Variants in XIRP2 observed in about 807,000 individuals in gnomAD.
The protein encoded by XIRP2 is xin actin binding repeat containing 2, also known as xin actin-binding repeat-containing protein 2.
XIRP2 carries 236 observed loss-of-function variants against 277.0 expected under a neutral mutation model. That is an observed-to-expected ratio of 0.85 (90% confidence interval 0.77 to 0.95). The LOEUF (loss-of-function observed/expected upper bound fraction) is 0.95, where lower values mean the gene tolerates loss of function less well. Ranked by LOEUF, XIRP2 falls within the 40% of genes least tolerant of loss-of-function variation. The probability of loss-of-function intolerance (pLI) is 0.00; values close to 1 mark genes in which losing one functional copy is unlikely to be tolerated. For missense variants in XIRP2, 4,640 were observed against 4,157.5 expected (o/e 1.12, Z -3.19); for synonymous variants, 1,490 against 1,416.5 (o/e 1.05, Z -1.17).
intron 9 of XIRP2, among the ~76,000 whole-genome samples, chr2:167,253,174 C>T (rs909002071): frequency 2.6e-5 from 4 of 151,766 alleles, no homozygotes; most frequent in South Asian, 2.1e-4. Flanking sequence ...CTCACAGGAT[C>T]GCTGTGAGGA....
At chr2:166,926,812 T>C (rs1206356843) in intron 2 of XIRP2, among the ~76,000 whole-genome samples, 1 of 152,094 alleles carries the variant, frequency 6.6e-6, no homozygotes, top group Non-Finnish European at 1.5e-5. Context: ...TTTTCATGCT[T>C]AGAACACAGC....
intron 2 of XIRP2, among the ~76,000 whole-genome samples, chr2:166,938,383 G>C (rs1010306671): frequency 6.6e-6 from 1 of 152,178 alleles, no homozygotes; most frequent in African/African-American, 2.4e-5. Flanking sequence ...AGGTTGTTCA[G>C]TTTCCATGTA....
intron 3 of XIRP2, among the ~76,000 whole-genome samples, chr2:167,209,900 TG>T (rs1693972443): frequency 1.3e-5 from 2 of 152,262 alleles, no homozygotes; most frequent in Non-Finnish European, 1.5e-5. Flanking sequence ...TTGATTAGAT[TG>T]GGTTAGGTTC....
intron 2 of XIRP2, among the ~76,000 whole-genome samples, chr2:166,944,124 T>G (rs558762816): frequency 9.8e-5 from 15 of 152,316 alleles, no homozygotes; most frequent in African/African-American, 3.6e-4. Context: ...CTAAGCCAGA[T>G]GTTTGTCTTT....
intron 5 of XIRP2, among the ~76,000 whole-genome samples, chr2:167,221,874 A>G (rs1694444441): frequency 6.6e-6 from 1 of 152,202 alleles, no homozygotes; most frequent in African/African-American, 2.4e-5. Flanking sequence ...TAGAGTTAAA[A>G]GAAAGAACAT....
At chr2:167,022,685 T>G (rs998401549) in intron 2 of XIRP2, among the ~76,000 whole-genome samples, 1 of 151,640 alleles carries the variant, frequency 6.6e-6, no homozygotes, top group Non-Finnish European at 1.5e-5. Flanking sequence ...CACCTATGAG[T>G]GAGAACATGT....
rs561363407 is a variant in XIRP2 at position 167,128,087 on chromosome 2, A to C, written c.409-7822A>C. Among the ~76,000 whole-genome samples the C allele has an allele frequency of 5.9e-5, 9 of 152,268 alleles. No homozygotes were observed. The South Asian group carries it at 1.2e-3, about 21-fold the overall frequency. ...TTCACCCTGTTTTATCAATTTCATA[A>C]AGCCATCTCAATTAGAATATCTAGA... On this transcript the variant is annotated intron_variant, in intron 2 of 10. Transcript: ENST00000409195.
chr2:166,917,052 A>T (rs1684903885), intron 2 of XIRP2, among the ~76,000 whole-genome samples: 1 of 152,172 alleles, frequency 6.6e-6, no homozygotes, highest in African/African-American at 2.4e-5. Context: ...TATGTCCTTC[A>T]GAGAAAATAT....
rs1695238764 is a variant in XIRP2, at chr2:167,245,823, C to A, written c.4431C>A (p.Val1477=). Residue 1477 remains valine (V), a synonymous_variant, in exon 9 of 11, where the codon GTC becomes GTA. Coordinates refer to ENST00000409195, the MANE Select transcript of XIRP2 (RefSeq NM_152381.6). ...TAGAATATGAAAATATCAAGACAGTCACTCAGGAAGATGTGCAGAAAGGTG... is the reference window on the plus strand; with the variant it reads ...TAGAATATGAAAATATCAAGACAGTAACTCAGGAAGATGTGCAGAAAGGTG... ...EGLEYENIKT[V]TQEDVQKGDV... is the part of the protein sequence containing the mutation. 1.9e-6 allele frequency: 3 copies of A among 1,613,556 alleles called. No homozygotes were observed. The highest frequency in any genetic ancestry group is 1.3e-5 in the African/African-American group (1 of 74,878).
chr2:167,242,803 C>A lies in XIRP2; in HGVS notation c.1411C>A (p.Gln471Lys). ...TTCAGTAGATGTGACAGCATTTTCCCAGTCCCCTGAACTGCCCAGTCCTCC... is the reference window on the plus strand; with the variant it reads ...TTCAGTAGATGTGACAGCATTTTCCAAGTCCCCTGAACTGCCCAGTCCTCC... ...QTSVDVTAFS[Q>K]SPELPSPPRR... The change falls in exon 9 of 11, where the codon CAG becomes AAG. Residue 471 changes from glutamine to lysine, a missense_variant. Transcript: ENST00000409195. The A allele has an allele frequency of 6.2e-7, 1 of 1,614,066 alleles. No homozygotes were observed. Among genetic ancestry groups the A allele is most frequent in the African/African-American group, 1.3e-5 (1 of 75,042 alleles).
At chr2:167,153,905 G>A (rs1574302971) in intron 3 of XIRP2, among the ~76,000 whole-genome samples, 2 of 151,272 alleles carry the variant, frequency 1.3e-5, no homozygotes, top group South Asian at 2.1e-4. Context: ...ATGATTTATA[G>A]TCCTTTGGGC....
chr2:167,212,371 G>A (rs1694073411), intron 4 of XIRP2, among the ~76,000 whole-genome samples: 1 of 152,190 alleles, frequency 6.6e-6, no homozygotes, highest in Non-Finnish European at 1.5e-5. Context: ...GATTTAGGAA[G>A]ATTGACCTTG....
chr2:167,067,355 T>C (rs1403761293), intron 2 of XIRP2, among the ~76,000 whole-genome samples: 2 of 152,132 alleles, frequency 1.3e-5, no homozygotes. Flanking sequence ...ATGTCATATG[T>C]TGTAGTTTTA....
chr2:166,899,745 T>C (rs959034934), intron 1 of XIRP2, among the ~76,000 whole-genome samples: 1 of 152,154 alleles, frequency 6.6e-6, no homozygotes, highest in African/African-American at 2.4e-5. Flanking sequence ...ATTCACATTG[T>C]TCTTTCTGTA....
At chr2:167,018,165 T>A (rs1020761118) in intron 2 of XIRP2, among the ~76,000 whole-genome samples, 1 of 152,030 alleles carries the variant, frequency 6.6e-6, no homozygotes, top group African/African-American at 2.4e-5. Flanking sequence ...CTTCTAGGCA[T>A]TGTTGCCCCT....
At chr2:166,925,579 G>A (rs1685157993) in intron 2 of XIRP2, among the ~76,000 whole-genome samples, 4 of 125,450 alleles carry the variant, frequency 3.2e-5, no homozygotes, top group African/African-American at 6.2e-5. Context: ...ATGTATGTGT[G>A]TGTGTATGTG....
At position 166,939,400 on chromosome 2, in the gene XIRP2, G is replaced by A. The variant is rs552860538; in HGVS notation, c.408+35510G>A. Among the ~76,000 whole-genome samples the A allele has an allele frequency of 4.3e-3, 647 of 151,700 alleles. 4 individuals are homozygous for A. Among genetic ancestry groups the A allele is most frequent in the African/African-American group, 0.014 (584 of 41,410 alleles). The stretch of plus-strand genomic sequence containing the variant: ...TTCTGGGTTGAAAATTCTTTTCTTG[G>A]GCTGGGCACGGTGACTCAGCCTGTA... On this transcript the variant is annotated intron_variant, in intron 2 of 10. Coordinates refer to ENST00000409195, the MANE Select transcript of XIRP2 (RefSeq NM_152381.6).
chr2:167,026,768 T>C (rs148749927), intron 2 of XIRP2, among the ~76,000 whole-genome samples: 1,755 of 152,254 alleles, frequency 0.012, 34 homozygotes, highest in African/African-American at 0.04. Context: ...TCTTTAAGAA[T>C]GTTGAATGTT....
intron 2 of XIRP2, among the ~76,000 whole-genome samples, chr2:167,010,505 A>T (rs1168387983): frequency 1.3e-5 from 2 of 152,056 alleles, no homozygotes; most frequent in East Asian, 1.9e-4. Context: ...AGGTAGCGTG[A>T]TGCCTCCAGC....
Sources: gnomAD v4.1 joint callset for allele counts (sites outside exome capture counted in the v4.1 genomes callset) on GRCh38, gnomAD v4.1.1 for gene constraint, MANE v1.5 for transcripts, NCBI Gene and HGNC (gene_info 2026-07-23, HGNC 2026-07-21) for gene names.